DGLUCY: variants seen among roughly 807,000 people sequenced by gnomAD.
DGLUCY encodes the protein D-glutamate cyclase.
In DGLUCY, 58 loss-of-function variants were observed where a neutral mutation model predicts 58.5. The observed-to-expected ratio is 0.99, with a 90% CI of 0.80 to 1.23. The LOEUF (loss-of-function observed/expected upper bound fraction) is 1.23, where lower values mean the gene tolerates loss of function less well. Among genes scored for constraint, DGLUCY ranks in the 50% most tolerant of loss-of-function variants. The pLI is 0.00. For missense variants in DGLUCY, 779 were observed against 784.7 expected, an observed-to-expected ratio of 0.99 and a Z score of 0.09; for synonymous variants, 325 against 314.1, an observed-to-expected ratio of 1.03 and a Z score of -0.37.
upstream of DGLUCY, among the ~76,000 whole-genome samples, chr14:91,110,191 C>T (rs1220721946): frequency 6.6e-6 from 1 of 152,178 alleles, no homozygotes; most frequent in East Asian, 1.9e-4. Flanking sequence ...TATTTCTCTT[C>T]CTGAGCAATT....
intron 2 of DGLUCY, among the ~76,000 whole-genome samples, chr14:91,157,952 C>T (rs1176768760): frequency 6.6e-6 from 1 of 152,214 alleles, no homozygotes; most frequent in Non-Finnish European, 1.5e-5. Flanking sequence ...GCACCTGCTG[C>T]CCTCTAGGGT....
At chr14:91,137,021 CT>C (rs1034139537) in intron 1 of DGLUCY, among the ~76,000 whole-genome samples, 1 of 151,790 alleles carries the variant, frequency 6.6e-6, no homozygotes, top group Non-Finnish European at 1.5e-5. Flanking sequence ...TATTTTTATG[CT>C]TAGGTTCGCT....
intron 13 of DGLUCY, chr14:91,223,789 T>C: frequency 9.3e-7 from 1 of 1,074,264 alleles, no homozygotes; most frequent in African/African-American, 1.7e-5. Context: ...TGCTAAGTGC[T>C]TTGCTTGTAC....
chr14:91,197,256 C>T lies in DGLUCY; in HGVS notation c.1295+782C>T, dbSNP rs372030390. Among the ~76,000 whole-genome samples, 271 of 152,154 alleles carry T rather than the reference C, an allele frequency of 1.8e-3. 2 individuals carry two copies. The highest frequency in any genetic ancestry group is 6.1e-3 in the African/African-American group (254 of 41,506). On this transcript the variant is annotated intron_variant, in intron 10 of 13. Transcript: ENST00000256324. The stretch of plus-strand genomic sequence containing the variant: ...TGCCAGGATTACAGGCATGAGCCAC[C>T]GCGCCTGGCCGCTAATTTTTTTATT...
In DGLUCY at chr14:91,077,698, G is replaced by A. The variant is rs145787202; in HGVS notation, c.-82+16994G>A. Among the ~76,000 whole-genome samples the A allele has an allele frequency of 7.5e-3, 1,126 of 150,794 alleles. 9 individuals carry two copies. Among genetic ancestry groups the A allele is most frequent in the Middle Eastern group, 0.027 (8 of 292 alleles). Reference sequence around the variant, plus strand: ...ACCCGGGAGGCGGAGGTTGCAGTGAGCCAAGATCTTGCCGCTGCTCTCCAG... The same window carrying A: ...ACCCGGGAGGCGGAGGTTGCAGTGAACCAAGATCTTGCCGCTGCTCTCCAG... On this transcript the variant is annotated intron_variant, in intron 1 of 4. Coordinates refer to the DGLUCY transcript ENST00000521334.
At chr14:91,170,542 CA>C (rs2048522216) in intron 5 of DGLUCY, among the ~76,000 whole-genome samples, 1 of 152,146 alleles carries the variant, frequency 6.6e-6, no homozygotes, top group South Asian at 2.1e-4. Context: ...GAGCCTCAGC[CA>C]GGGGGAATGA....
At chr14:91,205,179 A>T (rs1257915511) in intron 12 of DGLUCY, among the ~76,000 whole-genome samples, 3 of 152,218 alleles carry the variant, frequency 2.0e-5, no homozygotes, top group Admixed American at 2.0e-4. Context: ...AGAGAGGGTG[A>T]TGGGAGGGCC....
In DGLUCY at chr14:91,168,356, C is replaced by G. The variant is rs558376003; in HGVS notation, c.257+978C>G. Among the ~76,000 whole-genome samples, 24 of 152,232 alleles carry G rather than the reference C, an allele frequency of 1.6e-4. No homozygotes were observed. In the East Asian group the frequency reaches 4.6e-3, roughly 29 times the overall value. ...ATCTCAAGCCCATGGTGACCTGGCC[C>G]CAGCTCAGTTTCTCCCCTGACCCCT... On this transcript the variant is annotated intron_variant, in intron 4 of 13. Coordinates refer to ENST00000256324, the MANE Select transcript of DGLUCY (RefSeq NM_001102368.3).
chr14:91,201,384 C>T (rs1364177218), intron 11 of DGLUCY, among the ~76,000 whole-genome samples: 5 of 151,938 alleles, frequency 3.3e-5, no homozygotes, highest in East Asian at 1.9e-4. Context: ...CTGCAACCTC[C>T]GCCTCCCAGG....
intron 1 of DGLUCY, among the ~76,000 whole-genome samples, chr14:91,090,682 C>G (rs903000944): frequency 6.6e-6 from 1 of 152,076 alleles, no homozygotes; most frequent in Non-Finnish European, 1.5e-5. Flanking sequence ...CCCCTCTGAC[C>G]CTATTTGGTC....
chr14:91,095,302 G>T (rs1338143902), intron 1 of DGLUCY, among the ~76,000 whole-genome samples: 3 of 152,294 alleles, frequency 2.0e-5, no homozygotes, highest in Admixed American at 2.0e-4. Flanking sequence ...GGGATATGCT[G>T]ATTCCTAGGG....
chr14:91,071,334 C>CAAAAAAAAA (rs3086750), intron 1 of DGLUCY, among the ~76,000 whole-genome samples: 1 of 84,230 alleles, frequency 1.2e-5, no homozygotes, highest in African/African-American at 4.4e-5. Context: ...GAGATTCCAC[C>CAAAAAAAAA]AAAAAAAAAA....
At chr14:91,223,132 G>A (rs1272203604) in intron 13 of DGLUCY, among the ~76,000 whole-genome samples, 3 of 152,206 alleles carry the variant, frequency 2.0e-5, no homozygotes, top group Non-Finnish European at 4.4e-5. Flanking sequence ...CCTGCCTCCA[G>A]AAAATGTTCC....
At chr14:91,160,122 A>G in intron 2 of DGLUCY, 144 bp from the exon 3 acceptor site, 1 of 649,050 alleles carries the variant, frequency 1.5e-6, no homozygotes, top group South Asian at 1.7e-5. Flanking sequence ...ATGGATTCCA[A>G]ACAATGCCCA....
In DGLUCY at chr14:91,136,576, C is replaced by T. The variant is rs1199146663; in HGVS notation, c.-81-21063C>T. On this transcript the variant is annotated intron_variant, in intron 1 of 13. Transcript: ENST00000256324. Reference sequence around the variant, plus strand: ...GTAGGAGCCTGTAATCCCAGCCACTCGGGAGTCTGAGGCAGGAGAATTGCT... The same window carrying T: ...GTAGGAGCCTGTAATCCCAGCCACTTGGGAGTCTGAGGCAGGAGAATTGCT... 5.3e-5 allele frequency among the ~76,000 whole-genome samples: 8 copies of T among 151,334 alleles called. No homozygotes were observed. The East Asian group carries it at 1.4e-3, about 26-fold the overall frequency.
At position 91,204,707 on chromosome 14, in the gene DGLUCY, A is replaced by G. The variant is rs997882626; in HGVS notation, c.1446A>G (p.Gly482=). Residue 482 remains glycine (G), a splice_region_variant and synonymous_variant, in exon 12 of 14, where the codon GGA becomes GGG. Coordinates refer to ENST00000256324, the MANE Select transcript of DGLUCY (RefSeq NM_001102368.3). Reference sequence around the variant, plus strand: ...TGACTCAGCTCCCCTTCCCTTCAGGAGTCGGTGATGGAGGCAACGAGCTTG... The same window carrying G: ...TGACTCAGCTCCCCTTCCCTTCAGGGGTCGGTGATGGAGGCAACGAGCTTG... ...AKKIPGISST[G]VGDGGNELGM... The G allele has an allele frequency of 1.2e-6, 2 of 1,613,776 alleles. No individual in the cohort carries two copies. The highest frequency in any genetic ancestry group is 1.7e-5 in the Admixed American group (1 of 59,998).
intron 4 of DGLUCY, among the ~76,000 whole-genome samples, chr14:91,167,993 T>C (rs10140091): frequency 0.12 from 18,311 of 152,164 alleles, 2,516 homozygotes; most frequent in African/African-American, 0.33. Flanking sequence ...GACTGGGTGC[T>C]GTGGTTCATG....
chr14:91,104,537 C>T (rs2044554736), upstream of DGLUCY, among the ~76,000 whole-genome samples: 1 of 152,164 alleles, frequency 6.6e-6, no homozygotes, highest in East Asian at 1.9e-4. Flanking sequence ...GTAGGGGCTG[C>T]TCTTGTCAAG....
intron 1 of DGLUCY, among the ~76,000 whole-genome samples, chr14:91,075,674 T>C (rs2044007514): frequency 6.6e-6 from 1 of 152,220 alleles, no homozygotes; most frequent in Non-Finnish European, 1.5e-5. Context: ...CTCCTTCCTC[T>C]TGACCAAATG....
Sources: allele counts gnomAD v4.1 joint callset (sites outside exome capture counted in the v4.1 genomes callset), GRCh38; gene constraint gnomAD v4.1.1; transcripts MANE v1.5; gene names NCBI Gene and HGNC (gene_info 2026-07-23, HGNC 2026-07-21).